TRIO: variants seen among roughly 807,000 people sequenced by gnomAD.
The protein encoded by TRIO is trio Rho guanine nucleotide exchange factor, also known as triple functional domain protein.
Under a neutral mutation model 351.9 loss-of-function variants are expected in TRIO, and 58 were observed. That is an observed-to-expected ratio of 0.16 (90% CI 0.13 to 0.21). TRIO has a LOEUF of 0.21. TRIO is among the 10% of genes least tolerant of loss of function. The pLI is 1.00. For synonymous variants in TRIO, 1,758 were observed against 1,595.7 expected (o/e 1.10, Z -2.42); for missense variants, 3,201 against 4,027.8 (o/e 0.79, Z 5.56).
intron 1 of TRIO, among the ~76,000 whole-genome samples, chr5:14,189,284 T>C (rs1790319343): frequency 6.6e-6 from 1 of 152,244 alleles, no homozygotes. Context: ...TGTAACACTT[T>C]GATGCTCCTG....
At chr5:14,478,289 T>A (rs1755241422) in intron 41 of TRIO, among the ~76,000 whole-genome samples, 1 of 152,244 alleles carries the variant, frequency 6.6e-6, no homozygotes, top group South Asian at 2.1e-4. Flanking sequence ...GAAACCAGTT[T>A]TGTTTTGTTT....
intron 36 of TRIO, 116 bp downstream of exon 36, chr5:14,463,041 A>G: frequency 2.3e-6 from 3 of 1,297,882 alleles, no homozygotes; most frequent in South Asian, 3.4e-5. Flanking sequence ...GATGTGGAAA[A>G]GGGCAATGCA....
chr5:14,262,548 T>A (rs936126360), intron 1 of TRIO, among the ~76,000 whole-genome samples: 7 of 151,992 alleles, frequency 4.6e-5, no homozygotes, highest in Non-Finnish European at 1.0e-4. Context: ...TTGAGAAACA[T>A]GCTAGGGAGA....
At chr5:14,169,615 T>C (rs539210797) in intron 1 of TRIO, among the ~76,000 whole-genome samples, 1 of 152,366 alleles carries the variant, frequency 6.6e-6, no homozygotes, top group South Asian at 2.1e-4. Flanking sequence ...CACACGTGTG[T>C]GTGACATGAA....
intron 16 of TRIO, 62 bp from the exon 17 acceptor site, chr5:14,368,646 G>A: frequency 6.5e-7 from 1 of 1,539,086 alleles, no homozygotes; most frequent in Non-Finnish European, 8.8e-7. Flanking sequence ...AGCCATCCTG[G>A]TTCCTTTCTA....
At chr5:14,392,180 C>G (rs533596341) in intron 27 of TRIO, among the ~76,000 whole-genome samples, 59 of 151,888 alleles carry the variant, frequency 3.9e-4, no homozygotes, top group African/African-American at 1.3e-3. Flanking sequence ...TTTTTGCAGT[C>G]TAGCCATCTG....
rs766911096 is a variant in TRIO at position 14,479,922 on chromosome 5, T to C, written c.6247T>C (p.Leu2083=). 2.5e-6 allele frequency: 4 copies of C among 1,614,086 alleles called. No homozygotes were observed. The highest frequency in any genetic ancestry group is 1.1e-5 in the South Asian group (1 of 91,052). ...TTTCTCTCTCTTAAAACTGTAGGAC[T>C]TAAAGCAGCGTCTTGGCCACAGGTT... The part of the protein sequence containing the change: ...SEYIDTFFED[L]KQRLGHRLQL... The change falls in exon 43 of 57, where the codon TTA becomes CTA. Residue 2083 remains leucine, a synonymous_variant. Transcript: ENST00000344204.
chr5:14,493,559 C>T (rs1461896300), intron 49 of TRIO, among the ~76,000 whole-genome samples: 1 of 152,204 alleles, frequency 6.6e-6, no homozygotes, highest in Non-Finnish European at 1.5e-5. Flanking sequence ...GTTCTAACTG[C>T]TCCACCAACT....
chr5:14,199,340 G>A (rs1490167625), intron 1 of TRIO, among the ~76,000 whole-genome samples: 1 of 152,046 alleles, frequency 6.6e-6, no homozygotes, highest in Non-Finnish European at 1.5e-5. Context: ...GGACCATGAG[G>A]TTTTGGATTA....
chr5:14,153,699 G>A (rs1447247199), intron 1 of TRIO, among the ~76,000 whole-genome samples: 1 of 152,164 alleles, frequency 6.6e-6, no homozygotes, highest in African/African-American at 2.4e-5. Flanking sequence ...CTCTGTTTGT[G>A]AGGGCCTGAA....
intron 41 of TRIO, among the ~76,000 whole-genome samples, chr5:14,478,834 C>T (rs956213250): frequency 2.0e-5 from 3 of 150,760 alleles, no homozygotes; most frequent in Admixed American, 6.6e-5. Context: ...TGGTGATGCA[C>T]ATCTGTAATC....
intron 1 of TRIO, among the ~76,000 whole-genome samples, chr5:14,267,435 C>G (rs1052056324): frequency 6.6e-5 from 10 of 152,228 alleles, no homozygotes; most frequent in African/African-American, 2.4e-4. Context: ...CGAGGGCAGC[C>G]TGTATTTGCT....
At chr5:14,189,237 G>A (rs1310139410) in intron 1 of TRIO, among the ~76,000 whole-genome samples, 1 of 152,196 alleles carries the variant, frequency 6.6e-6, no homozygotes, top group Admixed American at 6.5e-5. Flanking sequence ...GTACCTGACT[G>A]TCCTGTACTT....
rs188635327 is a variant in TRIO, at chr5:14,471,831, A to T, written c.5912+365A>T. Among the ~76,000 whole-genome samples the T allele has an allele frequency of 3.3e-5, 5 of 152,278 alleles. No homozygotes were observed. The East Asian group carries it at 9.7e-4, about 29-fold the overall frequency. ...CTTGAATATTCTTTGAACATACTTT[A>T]CTGGTTTCTCAATGCCAGTAAAGCA... On this transcript the variant is annotated intron_variant, in intron 38 of 56. Transcript: ENST00000344204.
At chr5:14,495,480 G>A (rs1180951776) in intron 49 of TRIO, among the ~76,000 whole-genome samples, 1 of 152,038 alleles carries the variant, frequency 6.6e-6, no homozygotes, top group African/African-American at 2.4e-5. Flanking sequence ...GAAGTCTTTT[G>A]TAACAAGGGG....
chr5:14,443,539 T>C (rs373416541), intron 34 of TRIO, among the ~76,000 whole-genome samples: 58 of 152,342 alleles, frequency 3.8e-4, no homozygotes, highest in African/African-American at 1.4e-3. Flanking sequence ...AACTTTACAG[T>C]GCCCATGAAA....
rs988972885 is a variant in TRIO at position 14,488,183 on chromosome 5, C to T, written c.7555C>T (p.Pro2519Ser). The T allele has an allele frequency of 7.5e-6, 12 of 1,600,628 alleles. No individual in the cohort carries two copies. Among genetic ancestry groups the T allele is most frequent in the South Asian group, 1.1e-5 (1 of 90,478 alleles). Residue 2519 changes from proline (P) to serine (S), a missense_variant, in exon 48 of 57, where the codon CCT becomes TCT. Physicochemically the swap from Pro to Ser is moderately conservative, Grantham distance 74. This residue lies in a region of TRIO where 1,089 missense variants were observed against 954.9 expected (regional missense o/e 1.14). Coordinates refer to ENST00000344204, the MANE Select transcript of TRIO (RefSeq NM_007118.4). The stretch of plus-strand genomic sequence containing the variant: ...GCGGCAGACACCCCGCCACGCGGCC[C>T]CTGGCAAGGATACTGACCGCATGAG... ...LQRQTPRHAAPGKDTDRMSTC... is the reference protein window; with the variant it reads ...LQRQTPRHAASGKDTDRMSTC...
chr5:14,383,740 T>C (rs1463089086), intron 21 of TRIO, among the ~76,000 whole-genome samples: 1 of 152,226 alleles, frequency 6.6e-6, no homozygotes, highest in Non-Finnish European at 1.5e-5. Flanking sequence ...GGTTTCTGAC[T>C]GCCTTTCCCT....
At chr5:14,413,668 AAAT>A (rs2152385494) in intron 33 of TRIO, among the ~76,000 whole-genome samples, 1 of 152,364 alleles carries the variant, frequency 6.6e-6, no homozygotes, top group African/African-American at 2.4e-5. Context: ...TTCAGTTACC[AAAT>A]CAGAAAAACA....
Sources: gnomAD v4.1 joint callset for allele counts (sites outside exome capture counted in the v4.1 genomes callset) on GRCh38, gnomAD v4.1.1 for gene constraint, gnomAD v4.1.1 regional missense constraint, MANE v1.5 for transcripts, NCBI Gene and HGNC (gene_info 2026-07-23, HGNC 2026-07-21) for gene names.